FUT8: variants seen among roughly 807,000 people sequenced by gnomAD.
The protein encoded by FUT8 is fucosyltransferase 8.
FUT8 carries 29 observed loss-of-function variants against 71.3 expected under a neutral mutation model. That is an observed-to-expected ratio of 0.41 (90% CI 0.30 to 0.55). The LOEUF is 0.55. FUT8 is among the 20% of genes least tolerant of loss of function. The probability of loss-of-function intolerance (pLI) is 0.34; values close to 1 mark genes in which losing one functional copy is unlikely to be tolerated. For synonymous variants in FUT8, 254 were observed against 239.3 expected (o/e 1.06, Z -0.57); for missense variants, 544 against 702.1 (o/e 0.77, Z 2.55).
intron 2 of FUT8, among the ~76,000 whole-genome samples, chr14:65,537,367 A>C (rs1469816953): frequency 6.6e-6 from 1 of 151,382 alleles, no homozygotes; most frequent in Admixed American, 6.6e-5. Flanking sequence ...TATTACTATT[A>C]TTACTATGAT....
chr14:65,694,916 A>G (rs1257610148), intron 7 of FUT8, among the ~76,000 whole-genome samples: 1 of 122,004 alleles, frequency 8.2e-6, no homozygotes, highest in Non-Finnish European at 1.7e-5. Flanking sequence ...GGGGGGAGGG[A>G]TAGCTTTAGG....
intron 3 of FUT8, among the ~76,000 whole-genome samples, chr14:65,604,907 T>C (rs934463309): frequency 1.3e-5 from 2 of 152,022 alleles, no homozygotes; most frequent in African/African-American, 2.4e-5. Flanking sequence ...TTTATTCTTA[T>C]ATTATGTAAA....
At chr14:65,488,684 T>G (rs2139712295) in intron 2 of FUT8, 1 of 152,370 alleles carries the variant, frequency 6.6e-6, no homozygotes, top group Middle Eastern at 3.4e-3. Flanking sequence ...GTTTGCCTCT[T>G]GCTTTGTGGC....
intron 2 of FUT8, among the ~76,000 whole-genome samples, chr14:65,526,836 G>A (rs1238158167): frequency 6.6e-6 from 1 of 152,088 alleles, no homozygotes; most frequent in Non-Finnish European, 1.5e-5. Context: ...TAGTTTGGCT[G>A]GATATGAAAT....
chr14:65,467,470 T>A lies in FUT8; in HGVS notation c.-228+11752T>A, dbSNP rs1017631654. Among the ~76,000 whole-genome samples the A allele has an allele frequency of 2.6e-5, 4 of 151,632 alleles. No individual in the cohort carries two copies. The highest frequency in any genetic ancestry group is 9.7e-5 in the African/African-American group (4 of 41,260). On this transcript the variant is annotated intron_variant, in intron 2 of 10. Coordinates refer to ENST00000673929, the MANE Select transcript of FUT8 (RefSeq NM_001371533.1). The surrounding 1 kb of genome is among the most constrained non-coding windows in gnomAD (Gnocchi z 4.1). Reference sequence around the variant, plus strand: ...GCACCACCACACCTGGCTAATTTTTTGTATTTCTTTTCTTTTTTATTTTTG... The same window carrying A: ...GCACCACCACACCTGGCTAATTTTTAGTATTTCTTTTCTTTTTTATTTTTG...
intron 2 of FUT8, among the ~76,000 whole-genome samples, chr14:65,548,623 A>G (rs1051772802): frequency 6.6e-6 from 1 of 152,004 alleles, no homozygotes; most frequent in African/African-American, 2.4e-5. Flanking sequence ...AAAACTTCTT[A>G]AAGAACCCAT....
intron 3 of FUT8, among the ~76,000 whole-genome samples, chr14:65,611,697 G>A (rs187166962): frequency 1.3e-5 from 2 of 152,020 alleles, no homozygotes; most frequent in African/African-American, 4.8e-5. Context: ...GTCTCACTCT[G>A]CCACCCCGGC....
Position 65,439,954 on chromosome 14 carries a change from G to GTGTA in FUT8, c.-325-15666_-325-15665insGTAT. Among the ~76,000 whole-genome samples the GTGTA allele has an allele frequency of 2.9e-3, 216 of 74,950 alleles. 4 individuals carry two copies. The highest frequency in any genetic ancestry group is 6.1e-3 in the African/African-American group (121 of 19,772). 49.2% of individuals were successfully genotyped at this position (74,950 alleles called of 152,430 possible). ...ATAAAGAAAATGTGTGTGTGTGTGT[G>GTGTA]TATATATATATATATATATATATAT... On this transcript the variant is annotated intron_variant, in intron 1 of 10. Coordinates refer to ENST00000673929, the MANE Select transcript of FUT8 (RefSeq NM_001371533.1).
At chr14:65,402,440 G>A in the FUT8 span, among the ~76,000 whole-genome samples, 1 of 151,482 alleles carries the variant, frequency 6.6e-6, no homozygotes, top group Non-Finnish European at 1.5e-5. Flanking sequence ...AGGCCGAGGC[G>A]GGTGGATCAC....
chr14:65,481,002 T>C (rs2066322501), intron 2 of FUT8, among the ~76,000 whole-genome samples: 1 of 152,184 alleles, frequency 6.6e-6, no homozygotes, highest in Admixed American at 6.5e-5. Context: ...TTAATTCTTT[T>C]TTCAATTTTT....
intron 9 of FUT8, among the ~76,000 whole-genome samples, chr14:65,730,387 A>C (rs779303132): frequency 2.6e-5 from 4 of 152,304 alleles, no homozygotes; most frequent in East Asian, 1.9e-4. Flanking sequence ...GTTAAGATTG[A>C]GTCCGACCGG....
intron 2 of FUT8, among the ~76,000 whole-genome samples, chr14:65,494,032 A>G (rs1160882033): frequency 6.6e-6 from 1 of 152,160 alleles, no homozygotes; most frequent in Non-Finnish European, 1.5e-5. Context: ...ATTTTATAAT[A>G]CTATATAAAC....
the FUT8 span, among the ~76,000 whole-genome samples, chr14:65,358,381 C>G: frequency 6.6e-6 from 1 of 151,964 alleles, no homozygotes; most frequent in Non-Finnish European, 1.5e-5. Context: ...AATATTTAAA[C>G]ACTTTTTAAT....
chr14:65,387,751 T>C, the FUT8 span, among the ~76,000 whole-genome samples: 1 of 152,230 alleles, frequency 6.6e-6, no homozygotes, highest in East Asian at 1.9e-4. Context: ...TTGTTTTTCT[T>C]CTTTCAAAGA....
In FUT8 at chr14:65,701,096, G is replaced by T. The variant is rs185391778; in HGVS notation, c.836-20679G>T. On this transcript the variant is annotated intron_variant, in intron 7 of 10. Coordinates refer to ENST00000673929, the MANE Select transcript of FUT8 (RefSeq NM_001371533.1). ...AATGTTAATTTTAATGATAATCAGG[G>T]CTGAAATTTATTTCTGAAAACATAA... Among the ~76,000 whole-genome samples, 6 of 152,126 alleles carry T rather than the reference G, an allele frequency of 3.9e-5. No individual in the cohort carries two copies. The East Asian group carries it at 7.7e-4, about 20-fold the overall frequency.
chr14:65,685,335 G>C (rs1383132739), intron 7 of FUT8, among the ~76,000 whole-genome samples: 1 of 152,128 alleles, frequency 6.6e-6, no homozygotes, highest in East Asian at 1.9e-4. Context: ...TGAGAATAAT[G>C]CAGTCAACTC....
chr14:65,578,133 T>C (rs1297747432), intron 3 of FUT8, among the ~76,000 whole-genome samples: 1 of 152,148 alleles, frequency 6.6e-6, no homozygotes. Context: ...TTTCATTAAA[T>C]ATTTTATTTA....
chr14:65,390,810 G>A, the FUT8 span, among the ~76,000 whole-genome samples: 11 of 146,606 alleles, frequency 7.5e-5, 1 homozygote, highest in African/African-American at 2.0e-4. Context: ...AGCAACCTCC[G>A]CCTTCTGGGT....
intron 2 of FUT8, among the ~76,000 whole-genome samples, chr14:65,530,712 A>G (rs530821121): frequency 6.6e-6 from 1 of 152,064 alleles, no homozygotes; most frequent in Non-Finnish European, 1.5e-5. Flanking sequence ...CTAATGATTT[A>G]TAAGAGTTGA....
Sources: gnomAD v4.1 joint callset for allele counts (sites outside exome capture counted in the v4.1 genomes callset) on GRCh38, gnomAD v4.1.1 for gene constraint, Gnocchi (gnomAD v3.1) non-coding constraint, MANE v1.5 for transcripts, NCBI Gene and HGNC (gene_info 2026-07-23, HGNC 2026-07-21) for gene names.